DCC: variants seen among roughly 807,000 people sequenced by gnomAD.
DCC encodes DCC netrin 1 receptor, also known as netrin receptor DCC.
In DCC, 58 loss-of-function variants were observed where a neutral mutation model predicts 172.5. The ratio of observed to expected loss-of-function variants is 0.34; its 90% confidence interval spans 0.27 to 0.42. The LOEUF (loss-of-function observed/expected upper bound fraction) is 0.42. Ranked by LOEUF, DCC falls within the 10% of genes least tolerant of loss-of-function variation. The probability of loss-of-function intolerance (pLI) is 1.00; values close to 1 mark genes in which losing one functional copy is unlikely to be tolerated. For synonymous variants in DCC, 709 were observed against 644.5 expected (o/e 1.10, Z -1.52); for missense variants, 1,740 against 1,791.0 (o/e 0.97, Z 0.51).
intron 1 of DCC, among the ~76,000 whole-genome samples, chr18:52,744,154 G>T (rs1788842794): frequency 6.6e-6 from 1 of 152,158 alleles, no homozygotes; most frequent in South Asian, 2.1e-4. Context: ...GTATAAGTAG[G>T]TCTTATGCAA....
chr18:52,991,797 T>C (rs2041396318), intron 5 of DCC, among the ~76,000 whole-genome samples: 1 of 152,156 alleles, frequency 6.6e-6, no homozygotes, highest in Non-Finnish European at 1.5e-5. Flanking sequence ...CCTGGATGAG[T>C]GGTCATTTGG....
intron 25 of DCC, among the ~76,000 whole-genome samples, chr18:53,476,413 C>T (rs752289993): frequency 8.5e-5 from 13 of 152,050 alleles, no homozygotes; most frequent in Admixed American, 2.0e-4. Context: ...AATTGAATTT[C>T]GGAGCCAGGT....
chr18:52,656,006 A>ATACATGTGTGTATATATATGTGCG (rs1568277597), intron 1 of DCC, among the ~76,000 whole-genome samples: 1 of 141,990 alleles, frequency 7.0e-6, no homozygotes, highest in African/African-American at 2.6e-5. Context: ...ATGTGCGTAT[A>ATACATGTGTGTATATATATGTGCG]TATATATGTG....
intron 1 of DCC, among the ~76,000 whole-genome samples, chr18:52,703,746 T>C (rs17749565): frequency 0.035 from 5,268 of 151,048 alleles, 134 homozygotes; most frequent in East Asian, 0.089. Flanking sequence ...TTTTTGAAAA[T>C]GTGCTCAGGT....
chr18:52,573,365 C>A (rs928299649), intron 1 of DCC, among the ~76,000 whole-genome samples: 1 of 152,152 alleles, frequency 6.6e-6, no homozygotes, highest in African/African-American at 2.4e-5. Context: ...GTTGCCTGAA[C>A]TAAATCATCC....
chr18:52,698,652 G>A (rs191884094), intron 1 of DCC, among the ~76,000 whole-genome samples: 3 of 151,934 alleles, frequency 2.0e-5, no homozygotes, highest in Admixed American at 6.6e-5. Flanking sequence ...GAGTGCAATG[G>A]CACAATCACA....
intron 1 of DCC, among the ~76,000 whole-genome samples, chr18:52,740,357 C>A (rs71367293): frequency 5.9e-5 from 9 of 152,152 alleles, no homozygotes; most frequent in Non-Finnish European, 1.0e-4. Flanking sequence ...TGATACCATT[C>A]ATGGACTAAG....
chr18:53,169,676 T>A (rs959432757), intron 8 of DCC, among the ~76,000 whole-genome samples: 12 of 152,098 alleles, frequency 7.9e-5, no homozygotes, highest in African/African-American at 2.9e-4. Context: ...GGAGAGAACA[T>A]CACTGAGAGG....
At chr18:53,104,797 G>C (rs1334358863) in intron 7 of DCC, among the ~76,000 whole-genome samples, 1 of 151,942 alleles carries the variant, frequency 6.6e-6, no homozygotes, top group African/African-American at 2.4e-5. Context: ...CAGTGATCTT[G>C]TTAAGTCATC....
At chr18:52,372,703 T>C (rs34420569) in intron 1 of DCC, among the ~76,000 whole-genome samples, 42,207 of 152,144 alleles carry the variant, frequency 0.28, 6,904 homozygotes, top group Non-Finnish European at 0.38. Flanking sequence ...TTACTTCATC[T>C]GTTCCCTCAC....
chr18:53,345,658 G>A (rs1476723950), intron 15 of DCC, among the ~76,000 whole-genome samples: 1 of 151,954 alleles, frequency 6.6e-6, no homozygotes, highest in Admixed American at 6.6e-5. Flanking sequence ...GTTCAGTCAG[G>A]TGGCAACAAC....
At chr18:52,842,076 G>A (rs892345576) in intron 2 of DCC, among the ~76,000 whole-genome samples, 7 of 151,866 alleles carry the variant, frequency 4.6e-5, no homozygotes, top group Non-Finnish European at 1.0e-4. Context: ...GCATTGTAAA[G>A]AAAATTTAGT....
chr18:53,154,386 C>G (rs1287261387), intron 7 of DCC, among the ~76,000 whole-genome samples: 7 of 152,112 alleles, frequency 4.6e-5, no homozygotes, highest in Admixed American at 4.6e-4. Flanking sequence ...ACGGAGAAAG[C>G]CACCCAAGAC....
At chr18:53,357,483 A>C (rs1192158631) in intron 15 of DCC, among the ~76,000 whole-genome samples, 1 of 152,224 alleles carries the variant, frequency 6.6e-6, no homozygotes, top group East Asian at 1.9e-4. Context: ...AAATCAATGC[A>C]CTTTAGCCGA....
intron 21 of DCC, among the ~76,000 whole-genome samples, chr18:53,419,888 C>G: frequency 6.6e-6 from 1 of 151,866 alleles, no homozygotes; most frequent in Non-Finnish European, 1.5e-5. Context: ...GAATCTCACT[C>G]TATTACCCAG....
At chr18:53,387,008 C>T (rs1369750046) in intron 16 of DCC, among the ~76,000 whole-genome samples, 3 of 152,162 alleles carry the variant, frequency 2.0e-5, no homozygotes, top group African/African-American at 2.4e-5. Flanking sequence ...ATTGAATCTG[C>T]CCCCTCACAC....
rs1274333813 is a variant in DCC at position 53,359,576 on chromosome 18, AT to A, written c.2359+19671del. On this transcript the variant is annotated intron_variant, in intron 15 of 28. Coordinates refer to ENST00000442544, the MANE Select transcript of DCC (RefSeq NM_005215.4). ...AAGATGCAGTTTATTAATAGGAGATATTAGTTACTCATTATTTTCTGAAAAA... is the reference window on the plus strand; with the variant it reads ...AAGATGCAGTTTATTAATAGGAGATATAGTTACTCATTATTTTCTGAAAAA... Among the ~76,000 whole-genome samples, 21 of 152,174 alleles carry A rather than the reference AT, an allele frequency of 1.4e-4. No homozygotes were observed. In the East Asian group the frequency reaches 4.1e-3, roughly 29 times the overall value.
chr18:53,361,920 A>T (rs559139579), intron 15 of DCC, among the ~76,000 whole-genome samples: 1 of 152,186 alleles, frequency 6.6e-6, no homozygotes, highest in South Asian at 2.1e-4. Context: ...GGCTTGCACA[A>T]CAATCATTTC....
In DCC at chr18:53,352,152, C is replaced by T. The variant is rs558271100; in HGVS notation, c.2359+12245C>T. On this transcript the variant is annotated intron_variant, in intron 15 of 28. Coordinates refer to ENST00000442544, the MANE Select transcript of DCC (RefSeq NM_005215.4). ...AAGGTATTTTAGCAAAATTAAATATCTTCAATTCACCAACAAAATAATATA... is the reference window on the plus strand; with the variant it reads ...AAGGTATTTTAGCAAAATTAAATATTTTCAATTCACCAACAAAATAATATA... Among the ~76,000 whole-genome samples the T allele has an allele frequency of 2.0e-5, 3 of 152,128 alleles. No homozygotes were observed. In the East Asian group the frequency reaches 5.8e-4, roughly 29 times the overall value.
Sources: gnomAD v4.1 joint callset for allele counts (sites outside exome capture counted in the v4.1 genomes callset) on GRCh38, gnomAD v4.1.1 for gene constraint, MANE v1.5 for transcripts, NCBI Gene and HGNC (gene_info 2026-07-23, HGNC 2026-07-21) for gene names.